TBX15: variants seen among roughly 807,000 people sequenced by gnomAD.
TBX15 encodes the protein T-box transcription factor 15, also known as T-box transcription factor TBX15.
In TBX15, 18 loss-of-function variants were observed where a neutral mutation model predicts 53.9. That is an observed-to-expected ratio of 0.33 (90% CI 0.23 to 0.49). TBX15 has a LOEUF of 0.49. TBX15 is among the 20% of genes least tolerant of loss of function. The pLI is 0.98. For synonymous variants in TBX15, 295 were observed against 278.0 expected, an observed-to-expected ratio of 1.06 and a Z score of -0.61; for missense variants, 692 against 749.5, an observed-to-expected ratio of 0.92 and a Z score of 0.90.
intron 6 of TBX15, among the ~76,000 whole-genome samples, chr1:118,907,134 G>A (rs976421022): frequency 2.0e-5 from 3 of 152,140 alleles, no homozygotes; most frequent in African/African-American, 7.2e-5. Flanking sequence ...CCCTATCATG[G>A]GACCAACAGC....
intron 5 of TBX15, among the ~76,000 whole-genome samples, chr1:118,917,967 T>A (rs1655302962): frequency 6.6e-6 from 1 of 152,320 alleles, no homozygotes; most frequent in Non-Finnish European, 1.5e-5. Context: ...CAGACTGAGA[T>A]GCTCCCAGTT....
intron 1 of TBX15, among the ~76,000 whole-genome samples, chr1:118,936,126 C>G (rs957411846): frequency 6.6e-6 from 1 of 152,168 alleles, no homozygotes; most frequent in Non-Finnish European, 1.5e-5. Flanking sequence ...CCCCAATTTC[C>G]TTAATCCTTA....
chr1:118,884,876 C>A lies in TBX15; in HGVS notation c.1665G>T (p.Arg555Ser). 6.2e-7 allele frequency: 1 copy of A among 1,614,184 alleles called. No individual in the cohort carries two copies. Among genetic ancestry groups the A allele is most frequent in the Non-Finnish European group, 8.5e-7 (1 of 1,180,030 alleles). ...GCTCCATCCCTGACGGCAGGTACTG[C>A]CTCTCTCCAAAGGCCCCGTTGGAAG... ...SSPSNGAFGE[R>S]QYLPSGMEHS... The change falls in exon 8 of 8, where the codon AGG becomes AGT. Residue 555 changes from arginine to serine, a missense_variant. By Grantham distance (110) the Arg-to-Ser change is moderately radical (BLOSUM62 -1). Coordinates refer to ENST00000369429, the MANE Select transcript of TBX15 (RefSeq NM_001330677.2).
intron 1 of TBX15, among the ~76,000 whole-genome samples, chr1:118,977,974 T>A (rs895532900): frequency 3.9e-5 from 6 of 152,236 alleles, no homozygotes; most frequent in African/African-American, 1.2e-4. Context: ...AGTTGCTTTT[T>A]TCAACCCTCA....
At chr1:118,982,475 T>C (rs1164777129) in intron 1 of TBX15, among the ~76,000 whole-genome samples, 8 of 152,328 alleles carry the variant, frequency 5.3e-5, no homozygotes, top group Non-Finnish European at 8.8e-5. Context: ...AGCCAAAATG[T>C]AGTTGTCCCT....
At chr1:118,894,782 T>C (rs1296746526) in intron 7 of TBX15, among the ~76,000 whole-genome samples, 2 of 152,136 alleles carry the variant, frequency 1.3e-5, no homozygotes, top group African/African-American at 4.8e-5. Context: ...CATAAGGAAC[T>C]TCGGGGACAA....
chr1:118,940,719 C>G (rs985779977), intron 1 of TBX15, among the ~76,000 whole-genome samples: 2 of 91,734 alleles, frequency 2.2e-5, no homozygotes, highest in Non-Finnish European at 4.7e-5. Context: ...CCAAGCATAT[C>G]AGAAAAACAA....
chr1:118,963,141 TA>T lies in TBX15; in HGVS notation c.205+24449del, dbSNP rs1427826723. Among the ~76,000 whole-genome samples, 3 of 152,162 alleles carry T rather than the reference TA, an allele frequency of 2.0e-5. No individual in the cohort carries two copies. The East Asian group carries it at 5.8e-4, about 29-fold the overall frequency. ...GAAAAGTAGAGAATATACATCTAAG[TA>T]AATAAAATAATCCATGACAGACCTC... is the stretch of plus-strand genomic sequence containing the variant. On this transcript the variant is annotated intron_variant, in intron 1 of 7. Coordinates refer to ENST00000369429, the MANE Select transcript of TBX15 (RefSeq NM_001330677.2).
intron 1 of TBX15, among the ~76,000 whole-genome samples, chr1:118,933,362 T>A (rs1207408600): frequency 3.3e-5 from 5 of 151,910 alleles, no homozygotes; most frequent in Non-Finnish European, 7.4e-5. Context: ...AACTTCTAAA[T>A]AAAGGGGAAG....
intron 7 of TBX15, 66 bp downstream of exon 7, chr1:118,898,962 T>A: frequency 6.6e-7 from 1 of 1,511,366 alleles, no homozygotes; most frequent in South Asian, 1.1e-5. Context: ...ATGTGCTATA[T>A]TCGGTTGAGC....
intron 1 of TBX15, among the ~76,000 whole-genome samples, chr1:118,973,448 C>CA (rs796419778): frequency 0.017 from 2,274 of 131,262 alleles, 55 homozygotes; most frequent in African/African-American, 0.056. Context: ...AGATTATGGG[C>CA]AAAAAAAAAA....
chr1:118,893,617 G>GAGAAAGAAAAAGAAAGAAAGAA (rs1654290368), intron 7 of TBX15, among the ~76,000 whole-genome samples: 1 of 106,272 alleles, frequency 9.4e-6, no homozygotes, highest in African/African-American at 4.1e-5. Context: ...GAAAGAAAGA[G>GAGAAAGAAAAAGAAAGAAAGAA]AGAGAGAAAG....
chr1:118,979,817 C>A (rs1657586153), intron 1 of TBX15, among the ~76,000 whole-genome samples: 1 of 152,164 alleles, frequency 6.6e-6, no homozygotes. Flanking sequence ...TAACCCCGGG[C>A]GCACGCGGCG....
At chr1:118,909,343 G>GC (rs201816441) in intron 6 of TBX15, among the ~76,000 whole-genome samples, 4,485 of 152,306 alleles carry the variant, frequency 0.029, 81 homozygotes, top group South Asian at 0.061. Context: ...ATAAGCTGAT[G>GC]CCCCAGAAAT....
intron 7 of TBX15, among the ~76,000 whole-genome samples, chr1:118,886,083 G>C (rs1030752093): frequency 7.9e-5 from 12 of 152,146 alleles, no homozygotes; most frequent in African/African-American, 2.9e-4. Flanking sequence ...GAGGCCTGGG[G>C]GTGCAGAGCA....
At chr1:118,977,061 A>G (rs1028600020) in intron 1 of TBX15, among the ~76,000 whole-genome samples, 11 of 152,162 alleles carry the variant, frequency 7.2e-5, no homozygotes, top group African/African-American at 2.7e-4. Flanking sequence ...TATTATTCCA[A>G]TTTCATAGAT....
intron 1 of TBX15, among the ~76,000 whole-genome samples, chr1:118,954,291 TG>T (rs1435100523): frequency 6.6e-6 from 1 of 152,210 alleles, no homozygotes; most frequent in Non-Finnish European, 1.5e-5. Context: ...GTCAGGTATT[TG>T]GCCTTTTCCT....
chr1:118,910,531 A>G (rs1322080158), intron 6 of TBX15, among the ~76,000 whole-genome samples: 1 of 152,154 alleles, frequency 6.6e-6, no homozygotes, highest in African/African-American at 2.4e-5. Context: ...AGATTTGCAA[A>G]TAATTCTCTG....
At chr1:118,941,873 C>T (rs539495715) in intron 1 of TBX15, among the ~76,000 whole-genome samples, 1 of 152,280 alleles carries the variant, frequency 6.6e-6, no homozygotes, top group African/African-American at 2.4e-5. Flanking sequence ...ACCATCTAAC[C>T]TTAAGCAAGT....
Sources: gnomAD v4.1 joint callset for allele counts (sites outside exome capture counted in the v4.1 genomes callset) on GRCh38, gnomAD v4.1.1 for gene constraint, MANE v1.5 for transcripts, NCBI Gene and HGNC (gene_info 2026-07-23, HGNC 2026-07-21) for gene names.